The following GLRA3 variants were observed in gnomAD, a reference collection of about 807,000 sequenced individuals.
The protein encoded by GLRA3 is glycine receptor subunit alpha-3.
GLRA3 carries 44 observed loss-of-function variants against 60.4 expected under a neutral mutation model. That is an observed-to-expected ratio of 0.73 (90% confidence interval 0.57 to 0.94). The LOEUF is 0.94. GLRA3 is among the 40% of genes least tolerant of loss of function. The pLI is 0.00. For synonymous variants in GLRA3, 223 were observed against 192.9 expected, an observed-to-expected ratio of 1.16 and a Z score of -1.29; for missense variants, 508 against 564.6, an observed-to-expected ratio of 0.90 and a Z score of 1.02.
chr4:174,679,227 G>T (rs980628707), intron 6 of GLRA3, among the ~76,000 whole-genome samples: 2 of 151,956 alleles, frequency 1.3e-5, no homozygotes, highest in East Asian at 1.9e-4. Context: ...GCTACTCAGG[G>T]GGCTGAGGCA....
intron 2 of GLRA3, among the ~76,000 whole-genome samples, chr4:174,785,021 A>G (rs891301271): frequency 2.0e-5 from 3 of 152,160 alleles, no homozygotes; most frequent in African/African-American, 7.2e-5. Flanking sequence ...GATTTAAATA[A>G]TGTTCGATGG....
At chr4:174,815,806 G>A (rs1278946324) in intron 1 of GLRA3, among the ~76,000 whole-genome samples, 1 of 152,198 alleles carries the variant, frequency 6.6e-6, no homozygotes, top group Non-Finnish European at 1.5e-5. Flanking sequence ...GACCTGTGAT[G>A]GGAGGGTCTG....
chr4:174,728,642 G>C lies in GLRA3; in HGVS notation c.324C>G (p.Tyr108Ter). 6.2e-7 allele frequency: 1 copy of C among 1,611,466 alleles called. No individual in the cohort carries two copies. The highest frequency in any genetic ancestry group is 8.5e-7 in the Non-Finnish European group (1 of 1,177,770). ...CTAAAGAGTCGTCAGGATATTCACT[G>C]TACGCGAGGCGGGGATCATTCCATT... ...RQKWNDPRLA[Y>*]SEYPDDSLDL... Residue 108 changes from tyrosine to a stop codon, truncating the protein, a stop_gained, in exon 4 of 10, where the codon TAC becomes TAG. Coordinates refer to ENST00000274093, the MANE Select transcript of GLRA3 (RefSeq NM_006529.4). LOFTEE classifies it high-confidence loss of function.
chr4:174,728,737 T>C, intron 3 of GLRA3, 39 bp from the exon 4 acceptor site: 5 of 1,320,230 alleles, frequency 3.8e-6, no homozygotes, highest in Non-Finnish European at 5.3e-6. Context: ...AAAAAAACCC[T>C]GCTTTAAAAA....
chr4:174,719,396 CAT>C (rs1420580414), intron 4 of GLRA3, among the ~76,000 whole-genome samples: 2 of 152,002 alleles, frequency 1.3e-5, no homozygotes, highest in African/African-American at 4.8e-5. Flanking sequence ...ATTGCATGCA[CAT>C]ATCAGTTATT....
intron 4 of GLRA3, among the ~76,000 whole-genome samples, chr4:174,717,519 A>G (rs1173376376): frequency 6.6e-6 from 1 of 152,226 alleles, no homozygotes; most frequent in African/African-American, 2.4e-5. Flanking sequence ...TGTATAGTCT[A>G]CAGAGAGTAT....
intron 5 of GLRA3, among the ~76,000 whole-genome samples, chr4:174,703,532 C>A (rs1039459310): frequency 6.6e-6 from 1 of 152,188 alleles, no homozygotes; most frequent in Non-Finnish European, 1.5e-5. Flanking sequence ...ATCCTCACTA[C>A]ATATAATTCA....
At chr4:174,649,914 C>G (rs948383719) in intron 9 of GLRA3, among the ~76,000 whole-genome samples, 3 of 152,022 alleles carry the variant, frequency 2.0e-5, no homozygotes, top group African/African-American at 7.2e-5. Context: ...CCTAAAGGAG[C>G]CTAAATTCTC....
chr4:174,775,630 A>G (rs980496731), intron 2 of GLRA3, among the ~76,000 whole-genome samples: 5 of 152,220 alleles, frequency 3.3e-5, no homozygotes, highest in African/African-American at 1.2e-4. Flanking sequence ...CCCCAAGATT[A>G]GGATCAAAAG....
intron 1 of GLRA3, among the ~76,000 whole-genome samples, chr4:174,800,198 T>C (rs1048022394): frequency 2.6e-5 from 4 of 151,980 alleles, no homozygotes; most frequent in South Asian, 2.1e-4. Flanking sequence ...AGATAGAGAA[T>C]AGACTTGATA....
intron 5 of GLRA3, among the ~76,000 whole-genome samples, chr4:174,693,808 A>T (rs896215818): frequency 1.3e-5 from 2 of 152,174 alleles, no homozygotes; most frequent in Non-Finnish European, 2.9e-5. Context: ...TGGATTTAAA[A>T]AAAAGACCTA....
chr4:174,817,692 C>T (rs1384324847), intron 1 of GLRA3, among the ~76,000 whole-genome samples: 5 of 152,132 alleles, frequency 3.3e-5, no homozygotes, highest in African/African-American at 1.2e-4. Context: ...ACTGCAACAT[C>T]CACCTCCTGG....
chr4:174,670,764 G>C (rs1197660177), intron 7 of GLRA3, among the ~76,000 whole-genome samples: 1 of 152,054 alleles, frequency 6.6e-6, no homozygotes, highest in Admixed American at 6.6e-5. Flanking sequence ...TAGGTCCTAA[G>C]TAGGTCCTTG....
At chr4:174,753,282 A>C (rs1267963281) in intron 3 of GLRA3, among the ~76,000 whole-genome samples, 3 of 152,142 alleles carry the variant, frequency 2.0e-5, no homozygotes, top group African/African-American at 7.2e-5. Flanking sequence ...TCATCGCAGC[A>C]ACAGAAATAT....
intron 4 of GLRA3, among the ~76,000 whole-genome samples, chr4:174,727,946 T>G (rs905028274): frequency 6.6e-6 from 1 of 152,160 alleles, no homozygotes; most frequent in South Asian, 2.1e-4. Flanking sequence ...TGTTCAAAGT[T>G]TATTAACAAA....
intron 1 of GLRA3, among the ~76,000 whole-genome samples, chr4:174,809,306 G>A (rs966500738): frequency 6.6e-6 from 1 of 152,024 alleles, no homozygotes; most frequent in Non-Finnish European, 1.5e-5. Flanking sequence ...ATTCCATCTA[G>A]GTTTGTGTAA....
intron 5 of GLRA3, among the ~76,000 whole-genome samples, chr4:174,705,784 A>G (rs75188175): frequency 0.062 from 8,800 of 141,592 alleles, 1,139 homozygotes; most frequent in South Asian, 0.13. Context: ...TCTAGTGATA[A>G]CAAGTGAGAA....
chr4:174,800,185 GAA>G (rs202129674), intron 1 of GLRA3, among the ~76,000 whole-genome samples: 1,523 of 152,062 alleles, frequency 0.01, 31 homozygotes, highest in African/African-American at 0.035. Flanking sequence ...TTGATAAAAT[GAA>G]AGATAGAGAA....
intron 2 of GLRA3, among the ~76,000 whole-genome samples, chr4:174,781,997 G>A (rs555261378): frequency 2.1e-4 from 32 of 149,332 alleles, no homozygotes; most frequent in East Asian, 2.0e-3. Flanking sequence ...TACCAAAGCC[G>A]GGCAGAGACA....
Sources: gnomAD v4.1 joint callset for allele counts (sites outside exome capture counted in the v4.1 genomes callset) on GRCh38, gnomAD v4.1.1 for gene constraint, MANE v1.5 for transcripts, NCBI Gene and HGNC (gene_info 2026-07-23, HGNC 2026-07-21) for gene names.